The following PTPN13 variants were observed in gnomAD, a reference collection of about 807,000 sequenced individuals.
PTPN13 encodes tyrosine-protein phosphatase non-receptor type 13.
Under a neutral mutation model 284.0 loss-of-function variants are expected in PTPN13, and 191 were observed. That is an observed-to-expected ratio of 0.67 (90% CI 0.60 to 0.76). The LOEUF (loss-of-function observed/expected upper bound fraction) is 0.76, where lower values mean the gene tolerates loss of function less well. Ranked by LOEUF, PTPN13 falls within the 30% of genes least tolerant of loss-of-function variation. The pLI is 0.00. For missense variants in PTPN13, 2,797 were observed against 2,939.9 expected, an observed-to-expected ratio of 0.95 and a Z score of 1.12; for synonymous variants, 986 against 1,022.3, an observed-to-expected ratio of 0.96 and a Z score of 0.68.
At chr4:86,805,216 A>G in intron 43 of PTPN13, 63 bp from the exon 44 acceptor site, 4 of 1,084,260 alleles carry the variant, frequency 3.7e-6, no homozygotes, top group South Asian at 1.5e-5. Flanking sequence ...CATTTAAAGT[A>G]TTTGAAGTTA....
chr4:86,683,462 GGA>G (rs1050976426), intron 3 of PTPN13, among the ~76,000 whole-genome samples: 1 of 152,178 alleles, frequency 6.6e-6, no homozygotes, highest in Non-Finnish European at 1.5e-5. Flanking sequence ...CTTACTCAGA[GGA>G]GAGTTGACCT....
chr4:86,717,709 G>T (rs1251846166), intron 9 of PTPN13, among the ~76,000 whole-genome samples: 1 of 151,978 alleles, frequency 6.6e-6, no homozygotes, highest in African/African-American at 2.4e-5. Context: ...TCAAGGCATG[G>T]GATTAAAAAT....
At chr4:86,616,885 G>C (rs1264222059) in intron 1 of PTPN13, among the ~76,000 whole-genome samples, 1 of 152,156 alleles carries the variant, frequency 6.6e-6, no homozygotes, top group East Asian at 1.9e-4. Context: ...GAGTGTTCTA[G>C]ACAAATGCAA....
In PTPN13 at chr4:86,772,799, G is replaced by C; in HGVS notation, c.5190G>C (p.Pro1730=). 1.9e-6 allele frequency: 3 copies of C among 1,607,018 alleles called. No homozygotes were observed. Among genetic ancestry groups the C allele is most frequent in the East Asian group, 2.2e-5 (1 of 44,650 alleles). Residue 1730 remains proline (P), a synonymous_variant, in exon 32 of 48, where the codon CCG becomes CCC. Coordinates refer to ENST00000411767, the MANE Select transcript of PTPN13 (RefSeq NM_080683.3). ...GTAGTAATCCTTCCCCTCTACCACC[G>C]GATATGGCTCCTGGGCAGAGTTATC... is the stretch of plus-strand genomic sequence containing the variant. The part of the protein sequence containing the change: ...FEDSNPSPLP[P]DMAPGQSYQP...
chr4:86,655,780 C>T (rs112709180), intron 2 of PTPN13, among the ~76,000 whole-genome samples: 7,088 of 152,132 alleles, frequency 0.047, 222 homozygotes, highest in African/African-American at 0.061. Flanking sequence ...TGAATTTGAA[C>T]GTTGGCCTGC....
chr4:86,617,615 T>TCGCCATTCTAAC (rs1192909407), intron 1 of PTPN13, among the ~76,000 whole-genome samples: 1 of 152,134 alleles, frequency 6.6e-6, no homozygotes, highest in Non-Finnish European at 1.5e-5. Context: ...TTTTTAATGA[T>TCGCCATTCTAAC]CGCCATTCTA....
In PTPN13 at chr4:86,694,579, C is replaced by CAAA. The variant is rs1000226646; in HGVS notation, c.634+928_634+930dup. Among the ~76,000 whole-genome samples, 117 of 32,044 alleles carry CAAA rather than the reference C, an allele frequency of 3.7e-3. 1 individual carries two copies. The highest frequency in any genetic ancestry group is 8.5e-3 in the African/African-American group (72 of 8,428). The allele number at this position is 32,044 out of a possible 152,430, so 21.0% of individuals were successfully genotyped here. ...GGCAACAAAGAGTGAACTTCTGTCT[C>CAAA]AAAAAAAAAAAAAAAAAAAAAAAAA... is the stretch of plus-strand genomic sequence containing the variant. On this transcript the variant is annotated intron_variant, in intron 6 of 47. Transcript: ENST00000411767.
intron 40 of PTPN13, among the ~76,000 whole-genome samples, chr4:86,791,112 T>C (rs1264139224): frequency 6.6e-6 from 1 of 152,166 alleles, no homozygotes; most frequent in African/African-American, 2.4e-5. Context: ...TGACAGACTG[T>C]ACCTGGAGAA....
In PTPN13 at chr4:86,803,824, G is replaced by C; in HGVS notation, c.6621G>C (p.Leu2207Phe). The part of the protein sequence containing the change: ...LKSVIRVLRG[L>F]LDQGIPSKEL... ...CAGTCATTCGAGTCCTGCGGGGTTT[G>C]CTAGATCAAGGAATTCCTTCTAAGG... The change falls in exon 43 of 48, where the codon TTG (leucine) becomes TTC (phenylalanine). Residue 2207 changes from leucine to phenylalanine, a missense_variant. Physicochemically the swap from Leu to Phe is conservative, Grantham distance 22. Coordinates refer to ENST00000411767, the MANE Select transcript of PTPN13 (RefSeq NM_080683.3). 1 of 1,613,776 alleles carries C rather than the reference G, an allele frequency of 6.2e-7. No homozygotes were observed. Among genetic ancestry groups the C allele is most frequent in the Non-Finnish European group, 8.5e-7 (1 of 1,179,758 alleles).
chr4:86,636,926 C>T (rs533298667), intron 2 of PTPN13, among the ~76,000 whole-genome samples: 3 of 151,052 alleles, frequency 2.0e-5, no homozygotes, highest in South Asian at 2.1e-4. Flanking sequence ...ATTGATAGAC[C>T]GCTAGCAAGA....
At chr4:86,665,667 G>A (rs1726981981) in intron 2 of PTPN13, among the ~76,000 whole-genome samples, 4 of 152,052 alleles carry the variant, frequency 2.6e-5, no homozygotes, top group Non-Finnish European at 5.9e-5. Context: ...TGATATTTTA[G>A]GATACTTTGT....
intron 40 of PTPN13, among the ~76,000 whole-genome samples, chr4:86,793,191 A>C (rs147988672): frequency 1.3e-5 from 2 of 152,196 alleles, no homozygotes; most frequent in Non-Finnish European, 2.9e-5. Flanking sequence ...AAAGCAAAAA[A>C]AGCAGGGGTT....
chr4:86,640,037 C>T (rs147805648), intron 2 of PTPN13, among the ~76,000 whole-genome samples: 41 of 152,190 alleles, frequency 2.7e-4, no homozygotes, highest in African/African-American at 9.4e-4. Flanking sequence ...TGATTGAGTA[C>T]AGGAAGGTCT....
chr4:86,736,752 ATTC>A (rs1735564744), intron 15 of PTPN13, among the ~76,000 whole-genome samples: 1 of 152,208 alleles, frequency 6.6e-6, no homozygotes, highest in East Asian at 1.9e-4. Flanking sequence ...TTGCATTTGA[ATTC>A]TTATTTCAAC....
At chr4:86,687,546 A>G (rs945112007) in intron 4 of PTPN13, among the ~76,000 whole-genome samples, 1 of 152,194 alleles carries the variant, frequency 6.6e-6, no homozygotes, top group Non-Finnish European at 1.5e-5. Context: ...AAAGGAAGTA[A>G]CAAGCATTTT....
At chr4:86,652,054 C>G (rs967426511) in intron 2 of PTPN13, among the ~76,000 whole-genome samples, 1 of 152,080 alleles carries the variant, frequency 6.6e-6, no homozygotes, top group African/African-American at 2.4e-5. Flanking sequence ...TGAATAGCCA[C>G]TGTATTCTAG....
rs1009382403 is a variant in PTPN13 at position 86,807,794 on chromosome 4, T to C, written c.6980T>C (p.Leu2327Pro). 2 of 1,614,008 alleles carry C rather than the reference T, an allele frequency of 1.2e-6. No individual in the cohort carries two copies. The highest frequency in any genetic ancestry group is 4.5e-5 in the East Asian group (2 of 44,884). The change falls in exon 45 of 48, where the codon CTA becomes CCA. Residue 2327 changes from leucine to proline, a missense_variant. Transcript: ENST00000411767. ...TGCCAGCGCTATTGGCCCAACATCC[T>C]AGGCAAAACAACAATGGTCAGCAAC... is the stretch of plus-strand genomic sequence containing the variant. ...IKCQRYWPNI[L>P]GKTTMVSNRL...
intron 4 of PTPN13, 98 bp downstream of exon 4, chr4:86,686,873 T>C (rs1729516194): frequency 2.5e-6 from 2 of 813,514 alleles, no homozygotes; most frequent in Non-Finnish European, 3.9e-6. Flanking sequence ...TTCTACAGCA[T>C]GCTGTCAGGT....
Position 86,656,173 on chromosome 4 carries a change from T to G in PTPN13, c.116-16192T>G, listed in dbSNP as rs569896763. Among the ~76,000 whole-genome samples, 11 of 152,338 alleles carry G rather than the reference T, an allele frequency of 7.2e-5. No individual in the cohort carries two copies. In the East Asian group the frequency reaches 1.9e-3, roughly 27 times the overall value. On this transcript the variant is annotated intron_variant, in intron 2 of 47. Coordinates refer to ENST00000411767, the MANE Select transcript of PTPN13 (RefSeq NM_080683.3). ...CTTTTTTCAAGGTTTTTAGCTTCTT[T>G]GCGATGAGTTCCAACTTCCTCCTTT... is the stretch of plus-strand genomic sequence containing the variant.
Sources: gnomAD v4.1 joint callset for allele counts (sites outside exome capture counted in the v4.1 genomes callset) on GRCh38, gnomAD v4.1.1 for gene constraint, MANE v1.5 for transcripts, NCBI Gene and HGNC (gene_info 2026-07-23, HGNC 2026-07-21) for gene names.